The following DCDC2 variants were observed in gnomAD, a reference collection of about 807,000 sequenced individuals.
DCDC2 encodes the protein doublecortin domain containing 2.
In DCDC2, 40 loss-of-function variants were observed where a neutral mutation model predicts 50.2. The observed-to-expected ratio is 0.80, with a 90% CI of 0.62 to 1.04. The LOEUF (loss-of-function observed/expected upper bound fraction) is 1.04. DCDC2 is among the 50% of genes least tolerant of loss of function. The pLI is 0.00. For missense variants in DCDC2, 570 were observed against 581.9 expected, an observed-to-expected ratio of 0.98 and a Z score of 0.21; for synonymous variants, 234 against 210.6, an observed-to-expected ratio of 1.11 and a Z score of -0.96.
intron 7 of DCDC2, among the ~76,000 whole-genome samples, chr6:24,223,104 A>G (rs957210509): frequency 4.6e-5 from 7 of 152,356 alleles, no homozygotes; most frequent in African/African-American, 1.2e-4. Context: ...TGGCAAACCT[A>G]TATCAGAAAA....
chr6:24,229,836 T>C (rs975133273), intron 7 of DCDC2, among the ~76,000 whole-genome samples: 3 of 152,190 alleles, frequency 2.0e-5, no homozygotes, highest in South Asian at 2.1e-4. Flanking sequence ...CACACTTAGA[T>C]CTGACTGATC....
intron 7 of DCDC2, among the ~76,000 whole-genome samples, chr6:24,271,508 C>A (rs1763238505): frequency 6.6e-6 from 1 of 152,154 alleles, no homozygotes; most frequent in African/African-American, 2.4e-5. Context: ...ACCTCAGTGT[C>A]CCCACCCGAG....
In DCDC2 at chr6:24,291,047, T is replaced by C. The variant is rs765415280; in HGVS notation, c.589A>G (p.Ser197Gly). 3 of 1,613,550 alleles carry C rather than the reference T, an allele frequency of 1.9e-6. No homozygotes were observed. The Admixed American group carries it at 5.0e-5, about 27-fold the overall frequency. The change falls in exon 5 of 10, where the codon AGT becomes GGT. Residue 197 changes from serine (S) to glycine (G), a missense_variant. By Grantham distance (56) the Ser-to-Gly change is moderately conservative (BLOSUM62 0). Transcript: ENST00000378454. Reference protein sequence around the residue: ...LYTLEGKLVESGAELENGQFY... With the variant: ...LYTLEGKLVEGGAELENGQFY... ...TGCCCATTCTCCAACTCTGCTCCAC[T>C]CTCAACAAGTTTTCCTTCTAAAGTA...
At chr6:24,252,761 A>T (rs1762818200) in intron 7 of DCDC2, among the ~76,000 whole-genome samples, 1 of 152,170 alleles carries the variant, frequency 6.6e-6, no homozygotes, top group Non-Finnish European at 1.5e-5. Flanking sequence ...TTCTTCAAGT[A>T]CCTCTGGAAT....
At chr6:24,282,255 G>GTTTT (rs77118658) in intron 6 of DCDC2, among the ~76,000 whole-genome samples, 2 of 149,538 alleles carry the variant, frequency 1.3e-5, no homozygotes, top group South Asian at 2.1e-4. Flanking sequence ...TTTTTGTTTT[G>GTTTT]TTTTTTTTTG....
At chr6:24,176,596 C>T (rs542924594) in intron 9 of DCDC2, among the ~76,000 whole-genome samples, 33 of 152,312 alleles carry the variant, frequency 2.2e-4, no homozygotes, top group African/African-American at 6.7e-4. Context: ...ATACACCTTA[C>T]CTCACATACT....
At chr6:24,241,180 A>C (rs1762554451) in intron 7 of DCDC2, among the ~76,000 whole-genome samples, 1 of 152,224 alleles carries the variant, frequency 6.6e-6, no homozygotes, top group Admixed American at 6.5e-5. Context: ...TAACCTAGGT[A>C]AACATGTAAA....
At chr6:24,182,632 A>AAAAAAAAAAAAAAAAAAAAAAC in intron 8 of DCDC2, among the ~76,000 whole-genome samples, 1 of 149,494 alleles carries the variant, frequency 6.7e-6, no homozygotes, top group Non-Finnish European at 1.5e-5. Context: ...ATGACAAGAA[A>AAAAAAAAAAAAAAAAAAAAAAC]AAAAAAAAAA....
upstream of DCDC2, among the ~76,000 whole-genome samples, chr6:24,359,230 T>TAATATATA (rs1431639778): frequency 2.7e-5 from 2 of 73,256 alleles, no homozygotes; most frequent in African/African-American, 1.2e-4. Flanking sequence ...ATTTTATATA[T>TAATATATA]TTTATATATT....
intron 7 of DCDC2, among the ~76,000 whole-genome samples, chr6:24,237,047 G>A (rs2113787799): frequency 6.6e-6 from 1 of 150,714 alleles, no homozygotes; most frequent in South Asian, 2.1e-4. Context: ...GACATGAATA[G>A]ACACTCACCA....
At chr6:24,308,613 T>C (rs1759517713) in intron 2 of DCDC2, among the ~76,000 whole-genome samples, 1 of 152,136 alleles carries the variant, frequency 6.6e-6, no homozygotes, top group South Asian at 2.1e-4. Flanking sequence ...AACCCAGAGA[T>C]GATCATGATA....
intron 4 of DCDC2, among the ~76,000 whole-genome samples, chr6:24,299,151 G>C (rs916878036): frequency 6.6e-6 from 1 of 152,144 alleles, no homozygotes. Context: ...GGAATACTAC[G>C]CAGCCAGGAA....
chr6:24,310,962 C>A (rs559291437), intron 2 of DCDC2, among the ~76,000 whole-genome samples: 21 of 152,136 alleles, frequency 1.4e-4, no homozygotes, highest in Non-Finnish European at 2.2e-4. Context: ...CACAAATCCT[C>A]TAGGAGCTGC....
At chr6:24,325,435 A>G (rs534487233) in intron 2 of DCDC2, among the ~76,000 whole-genome samples, 22 of 149,664 alleles carry the variant, frequency 1.5e-4, no homozygotes, top group African/African-American at 5.1e-4. Flanking sequence ...ACTGGCAAAG[A>G]TGAGTGGGGG....
chr6:24,358,900 A>G (rs1226288664), upstream of DCDC2, among the ~76,000 whole-genome samples: 6 of 13,414 alleles, frequency 4.5e-4, no homozygotes, highest in Non-Finnish European at 6.3e-4. Context: ...TATATATATA[A>G]TATATTATAT....
At chr6:24,220,871 A>AGAGAGC (rs1471893813) in intron 7 of DCDC2, among the ~76,000 whole-genome samples, 4 of 24,006 alleles carry the variant, frequency 1.7e-4, no homozygotes, top group African/African-American at 7.1e-4. Flanking sequence ...ACAGAGAGCA[A>AGAGAGC]GAGAGCGAGA....
intron 2 of DCDC2, among the ~76,000 whole-genome samples, chr6:24,337,521 C>T (rs1760078264): frequency 1.3e-5 from 2 of 152,120 alleles, no homozygotes; most frequent in East Asian, 1.9e-4. Flanking sequence ...GAGCCAGGCA[C>T]GGTGGCTCAC....
intron 7 of DCDC2, among the ~76,000 whole-genome samples, chr6:24,227,152 A>C (rs1438419855): frequency 6.6e-6 from 1 of 152,238 alleles, no homozygotes; most frequent in Non-Finnish European, 1.5e-5. Flanking sequence ...AGAAGATGGC[A>C]GTGTACCCAC....
At chr6:24,198,467 T>G (rs555241618) in intron 8 of DCDC2, among the ~76,000 whole-genome samples, 1 of 152,292 alleles carries the variant, frequency 6.6e-6, no homozygotes, top group South Asian at 2.1e-4. Flanking sequence ...AATGGTGCAT[T>G]CCAGCCCGGA....
Sources: gnomAD v4.1 joint callset for allele counts (sites outside exome capture counted in the v4.1 genomes callset) on GRCh38, gnomAD v4.1.1 for gene constraint, MANE v1.5 for transcripts, NCBI Gene and HGNC (gene_info 2026-07-23, HGNC 2026-07-21) for gene names.